Variants in DST observed in about 807,000 individuals in gnomAD.
DST encodes the protein dystonin.
In DST, 253 loss-of-function variants were observed where a neutral mutation model predicts 875.2. The ratio of observed to expected loss-of-function variants is 0.29; its 90% CI spans 0.26 to 0.32. The LOEUF (loss-of-function observed/expected upper bound fraction) is 0.32, where lower values mean the gene tolerates loss of function less well. Ranked by LOEUF, DST falls within the 10% of genes least tolerant of loss-of-function variation. DST has a pLI of 1.00. For synonymous variants in DST, 3,124 were observed against 3,197.1 expected (o/e 0.98, Z 0.77); for missense variants, 8,287 against 9,111.6 (o/e 0.91, Z 3.68).
At chr6:56,575,370 A>G (rs1202340016) in intron 50 of DST, among the ~76,000 whole-genome samples, 1 of 152,158 alleles carries the variant, frequency 6.6e-6, no homozygotes, top group East Asian at 1.9e-4. Context: ...TAAAAGTTGA[A>G]GAAAAAAAAT....
rs190764791 is a variant in DST, at chr6:56,849,982, T to G, written c.625+1415A>C. ...AACATCTGGTATGGGCAGTGTCATC[T>G]GTATAGGCATTCATTTCGCTGGAGC... On this transcript the variant is annotated intron_variant, in intron 4 of 103. Coordinates refer to ENST00000680361, the MANE Select transcript of DST (RefSeq NM_001374736.1). Among the ~76,000 whole-genome samples the G allele has an allele frequency of 3.3e-5, 5 of 152,344 alleles. No individual in the cohort carries two copies. The East Asian group carries it at 9.6e-4, about 29-fold the overall frequency.
intron 48 of DST, 123 bp from the exon 49 acceptor site, chr6:56,592,481 TA>T: frequency 1.2e-6 from 1 of 829,084 alleles, no homozygotes; most frequent in Non-Finnish European, 1.8e-6. Context: ...CCAAAGTTAA[TA>T]AAAACTCTGT....
intron 82 of DST, among the ~76,000 whole-genome samples, chr6:56,494,556 G>A (rs1001326127): frequency 6.6e-6 from 1 of 152,010 alleles, no homozygotes; most frequent in Non-Finnish European, 1.5e-5. Context: ...AGAGGCTCTC[G>A]TAGATCCCTC....
rs764902969 is a variant in DST, at chr6:56,508,707, T to C, written c.19061A>G (p.His6354Arg). 1 of 1,613,778 alleles carries C rather than the reference T, an allele frequency of 6.2e-7. No individual in the cohort carries two copies. Among genetic ancestry groups the C allele is most frequent in the Non-Finnish European group, 8.5e-7 (1 of 1,179,780 alleles). Residue 6354 changes from histidine to arginine, a missense_variant, in exon 75 of 104, where the codon CAC becomes CGC. His to Arg is a conservative substitution (Grantham distance 29, BLOSUM62 0). Transcript: ENST00000680361. ...GGCTTCCCTCTCTTCCACCAGTGTG[T>C]GTATGTTCTCCCAAATGAAAACCAT... ...DQMVFIWENI[H>R]TLVEEREAKL... is the part of the protein sequence containing the mutation.
intron 10 of DST, among the ~76,000 whole-genome samples, chr6:56,655,715 G>A (rs879677455): frequency 6.6e-6 from 1 of 152,100 alleles, no homozygotes; most frequent in Non-Finnish European, 1.5e-5. Context: ...ATTTGCTCAA[G>A]AAATGTCCAC....
chr6:56,877,515 C>T lies in DST; in HGVS notation c.417+22906G>A, dbSNP rs184200008. 3.2e-3 allele frequency among the ~76,000 whole-genome samples: 491 copies of T among 152,252 alleles called. 1 individual carries two copies. Among genetic ancestry groups the T allele is most frequent in the Non-Finnish European group, 5.9e-3 (404 of 68,020 alleles). ...AGGTTGCAGTGAGCAAAGATTGTGC[C>T]GCTGTACTCCAGCCTGGGTGACAGA... is the stretch of plus-strand genomic sequence containing the variant. On this transcript the variant is annotated intron_variant, in intron 3 of 103. Coordinates refer to ENST00000680361, the MANE Select transcript of DST (RefSeq NM_001374736.1).
In DST at chr6:56,630,275, A is replaced by G. The variant is rs1319993869; in HGVS notation, c.4251T>C (p.Asn1417=). ...AAGTACTTATTAGATTCTCAATATT[A>G]TTCTTGTCAGCTATAACTGCTTCTT... The part of the protein sequence containing the change: ...CEEEAVIADK[N]NIENLISTLK... The change falls in exon 31 of 104, where the codon AAT becomes AAC. Residue 1417 remains asparagine (N), a synonymous_variant. Coordinates refer to ENST00000680361, the MANE Select transcript of DST (RefSeq NM_001374736.1). 1 of 1,604,874 alleles carries G rather than the reference A, an allele frequency of 6.2e-7. No homozygotes were observed. The highest frequency in any genetic ancestry group is 8.5e-7 in the Non-Finnish European group (1 of 1,173,292).
In DST at chr6:56,630,299, T is replaced by G. The variant is rs777359107; in HGVS notation, c.4227A>C (p.Glu1409Asp). 42 of 1,610,346 alleles carry G rather than the reference T, an allele frequency of 2.6e-5. No homozygotes were observed. The highest frequency in any genetic ancestry group is 3.5e-5 in the Non-Finnish European group (41 of 1,177,830). ...TATTCTTGTCAGCTATAACTGCTTC[T>G]TCTTCACACAGTTTAGTTTCATAGA... ...VKLYETKLCEEEAVIADKNNI... is the reference protein window; with the variant it reads ...VKLYETKLCEDEAVIADKNNI... Residue 1409 changes from glutamate to aspartate, a missense_variant, in exon 31 of 104, where the codon GAA (glutamate) becomes GAC (aspartate). Physicochemically the swap from Glu to Asp is conservative, Grantham distance 45. Transcript: ENST00000680361.
In DST at chr6:56,607,923, T is replaced by A. The variant is rs771360356; in HGVS notation, c.6705A>T (p.Glu2235Asp). ...DLDEAVGMLLEGCHAEFDGNT... is the reference protein window; with the variant it reads ...DLDEAVGMLLDGCHAEFDGNT... ...TTCCATCAAATTCTGCATGACAGCCTTCCAGTAGCATGCCAACAGCCTCAT... is the reference window on the plus strand; with the variant it reads ...TTCCATCAAATTCTGCATGACAGCCATCCAGTAGCATGCCAACAGCCTCAT... Residue 2235 changes from glutamate to aspartate, a missense_variant, in exon 40 of 104, where the codon GAA (glutamate) becomes GAT (aspartate). This residue lies in a region of DST where 3,138 missense variants were observed against 3,116.6 expected (regional missense o/e 1.01). Transcript: ENST00000680361. 6.2e-7 allele frequency: 1 copy of A among 1,613,686 alleles called. No individual in the cohort carries two copies. Among genetic ancestry groups the A allele is most frequent in the Non-Finnish European group, 8.5e-7 (1 of 1,179,712 alleles).
intron 60 of DST, 122 bp downstream of exon 60, chr6:56,555,223 A>C: frequency 9.3e-7 from 1 of 1,072,506 alleles, no homozygotes; most frequent in South Asian, 1.7e-5. Flanking sequence ...CCTCCTCTTC[A>C]CTGATGTTAA....
In DST at chr6:56,633,013, G is replaced by A. The variant is rs893219653; in HGVS notation, c.3646C>T (p.His1216Tyr). The change falls in exon 28 of 104, where the codon CAT becomes TAT. Residue 1216 changes from histidine (H) to tyrosine (Y), a missense_variant. His to Tyr is a moderately conservative substitution (Grantham distance 83). This residue lies in a region of DST where 3,138 missense variants were observed against 3,116.6 expected (regional missense o/e 1.01). Transcript: ENST00000680361. Reference sequence around the variant, plus strand: ...TGTAGATTACTTAGAACTTGCTGATGTTCACCAGGTAGCATTGTCTTTATC... The same window carrying A: ...TGTAGATTACTTAGAACTTGCTGATATTCACCAGGTAGCATTGTCTTTATC... ...ASIKTMLPGE[H>Y]QQVLSNLQSR... The A allele has an allele frequency of 6.2e-7, 1 of 1,613,874 alleles. No individual in the cohort carries two copies. The highest frequency in any genetic ancestry group is 1.1e-5 in the South Asian group (1 of 91,082).
chr6:56,896,065 CGGGAG>C lies in DST; in HGVS notation c.417+4351_417+4355del, dbSNP rs1446489221. 1.5e-4 allele frequency among the ~76,000 whole-genome samples: 4 copies of C among 26,332 alleles called. 2 individuals are homozygous for C. The highest frequency in any genetic ancestry group is 2.6e-4 in the Non-Finnish European group (4 of 15,448). 17.3% of individuals were successfully genotyped at this position (26,332 alleles called of 152,430 possible). A position where few individuals can be genotyped will look rare whatever the true frequency, so the allele number is the denominator to read the frequency against. ...GGGAGACGGGAGAGGGAGAGGGAGA[CGGGAG>C]AGGGAGAGGGAGACGGGAGAGGGAG... On this transcript the variant is annotated intron_variant, in intron 3 of 103. Transcript: ENST00000680361.
chr6:56,921,897 A>T (rs924723007), intron 2 of DST, among the ~76,000 whole-genome samples: 2 of 152,178 alleles, frequency 1.3e-5, no homozygotes, highest in Non-Finnish European at 2.9e-5. Context: ...TAGGAGAAAG[A>T]TCTAACATGA....
At chr6:56,573,973 T>C in intron 50 of DST, 86 bp from the exon 51 acceptor site, 1 of 929,564 alleles carries the variant, frequency 1.1e-6, no homozygotes, top group South Asian at 2.2e-5. Flanking sequence ...AATCATACAA[T>C]TTCCACACAA....
chr6:56,636,832 A>C (rs2098830216), intron 22 of DST, among the ~76,000 whole-genome samples, 180 bp from the exon 23 acceptor site: 1 of 152,250 alleles, frequency 6.6e-6, no homozygotes, highest in Admixed American at 6.5e-5. Context: ...CTGTAGTCCC[A>C]ACACTTTGGG....
Position 56,532,367 on chromosome 6 carries a change from T to A in DST, c.17085A>T (p.Ala5695=). The change falls in exon 64 of 104, where the codon GCA becomes GCT. Residue 5695 remains alanine (A), a synonymous_variant. Coordinates refer to ENST00000680361, the MANE Select transcript of DST (RefSeq NM_001374736.1). ...QLSLLDSRWE[A]LLNKAETRNR... is the part of the protein sequence containing the mutation. The stretch of plus-strand genomic sequence containing the variant: ...ACCTTGTTTCAGCTTTATTAAGCAA[T>A]GCCTCCCATCTGCTATCCAAGAGAC... 6.2e-7 allele frequency: 1 copy of A among 1,613,646 alleles called. No homozygotes were observed. The highest frequency in any genetic ancestry group is 8.5e-7 in the Non-Finnish European group (1 of 1,179,676).
intron 60 of DST, 48 bp downstream of exon 60, chr6:56,555,297 T>C: frequency 6.6e-7 from 1 of 1,521,162 alleles, no homozygotes; most frequent in Non-Finnish European, 8.8e-7. Context: ...AGGCAATATA[T>C]GACATTTATT....
At chr6:56,843,371 C>T in intron 4 of DST, 4 of 1,166,168 alleles carry the variant, frequency 3.4e-6, no homozygotes, top group Non-Finnish European at 4.2e-6. Flanking sequence ...CGATGGTGGG[C>T]CGCCCGGCTC....
At chr6:56,829,312 A>G (rs1057182313) in intron 4 of DST, among the ~76,000 whole-genome samples, 3 of 152,250 alleles carry the variant, frequency 2.0e-5, no homozygotes, top group African/African-American at 7.2e-5. Context: ...TAAAGTTTAC[A>G]TATCATTAAT....
Sources: gnomAD v4.1 joint callset for allele counts (sites outside exome capture counted in the v4.1 genomes callset) on GRCh38, gnomAD v4.1.1 for gene constraint, gnomAD v4.1.1 regional missense constraint, MANE v1.5 for transcripts, NCBI Gene and HGNC (gene_info 2026-07-23, HGNC 2026-07-21) for gene names.